RHCE: variants seen among roughly 807,000 people sequenced by gnomAD.
RHCE encodes Rh blood group CcEe antigens.
A neutral mutation model predicts 43.8 loss-of-function variants in RHCE; 22 were observed. The observed-to-expected ratio is 0.50, with a 90% CI of 0.36 to 0.72. The LOEUF is 0.72. Among genes scored for constraint, RHCE ranks in the 30% least tolerant of loss-of-function variants. The pLI, the probability that RHCE is intolerant of heterozygous loss-of-function variation, is 0.00. For missense variants in RHCE, 385 were observed against 525.4 expected, an observed-to-expected ratio of 0.73 and a Z score of 2.61; for synonymous variants, 156 against 210.7, an observed-to-expected ratio of 0.74 and a Z score of 2.25.
At chr1:25,422,323 C>T (rs1047701790), upstream of RHCE, among the ~76,000 whole-genome samples, 1 of 152,108 alleles carries the variant, frequency 6.6e-6, no homozygotes, top group Non-Finnish European at 1.5e-5. Flanking sequence ...AAAACTGACA[C>T]AGAGGATAGA....
intron 1 of RHCE, among the ~76,000 whole-genome samples, chr1:25,410,316 GGA>G (rs1647032630): frequency 1.3e-5 from 2 of 152,218 alleles, no homozygotes; most frequent in South Asian, 2.1e-4. Context: ...ATAAATGACT[GGA>G]GAGAGAGAAA....
At chr1:25,397,472 G>A (rs1646585879) in intron 3 of RHCE, among the ~76,000 whole-genome samples, 1 of 151,776 alleles carries the variant, frequency 6.6e-6, no homozygotes, top group Non-Finnish European at 1.5e-5. Context: ...CATCCAGCCT[G>A]GGTGACAACA....
chr1:25,392,215 G>A, intron 3 of RHCE, 74 bp from the exon 4 acceptor site: 1 of 1,611,704 alleles, frequency 6.2e-7, no homozygotes, highest in Non-Finnish European at 8.5e-7. Flanking sequence ...GGTCCTTGGA[G>A]AAAGTTCAGA....
intron 1 of RHCE, among the ~76,000 whole-genome samples, chr1:25,412,167 C>T (rs1402265908): frequency 1.3e-5 from 2 of 152,224 alleles, no homozygotes; most frequent in Admixed American, 6.5e-5. Flanking sequence ...GGCAGCAGAG[C>T]GCAGCTCTGA....
intron 2 of RHCE, among the ~76,000 whole-genome samples, chr1:25,405,798 G>A (rs1646899358): frequency 8.1e-6 from 1 of 123,486 alleles, no homozygotes; most frequent in African/African-American, 2.5e-5. Flanking sequence ...CTCCCCTGAA[G>A]GGACTCAAAA....
At chr1:25,397,656 T>C (rs1198191395) in intron 3 of RHCE, among the ~76,000 whole-genome samples, 43 of 152,110 alleles carry the variant, frequency 2.8e-4, no homozygotes, top group East Asian at 7.7e-4. Flanking sequence ...TGATGTCAGT[T>C]CCTGCCCTTC....
chr1:25,428,497 AG>A (rs1233957893), intron 2 of RHCE, among the ~76,000 whole-genome samples: 3 of 152,226 alleles, frequency 2.0e-5, no homozygotes, highest in Non-Finnish European at 4.4e-5. Flanking sequence ...TTGAGCTCAC[AG>A]AGTTTGTTTT....
At chr1:25,412,869 A>T (rs1042671286) in intron 1 of RHCE, among the ~76,000 whole-genome samples, 10 of 152,008 alleles carry the variant, frequency 6.6e-5, no homozygotes, top group African/African-American at 2.4e-4. Flanking sequence ...TACTAAAAAT[A>T]CAAAATTAGC....
chr1:25,406,811 G>A lies in RHCE; in HGVS notation c.335+1872C>T, dbSNP rs753813549. ...CAGCTAATTTTTTGTATGTTTAGTC[G>A]AGACAGGGTTTCTCCGAGTTAGCCA... On this transcript the variant is annotated intron_variant, in intron 2 of 9. Transcript: ENST00000294413. Among the ~76,000 whole-genome samples, 12 of 117,520 alleles carry A rather than the reference G, an allele frequency of 1.0e-4. 4 individuals carry two copies. Among genetic ancestry groups the A allele is most frequent in the Non-Finnish European group, 2.3e-4 (12 of 52,032 alleles). The allele number at this position is 117,520 out of a possible 152,430, so 77.1% of individuals were successfully genotyped here.
intron 2 of RHCE, among the ~76,000 whole-genome samples, chr1:25,407,897 G>T (rs201812726): frequency 2.4e-5 from 3 of 123,418 alleles, no homozygotes; most frequent in South Asian, 8.2e-4. Context: ...TTCACACAAA[G>T]GCATCTAAAC....
rs1375021202 is a variant in RHCE at position 25,406,012 on chromosome 1, G to C, written c.335+2671C>G. Among the ~76,000 whole-genome samples the C allele has an allele frequency of 3.2e-5, 4 of 123,212 alleles. 2 individuals carry two copies. Among genetic ancestry groups the C allele is most frequent in the Non-Finnish European group, 7.4e-5 (4 of 53,908 alleles). The allele number at this position is 123,212 out of a possible 152,430, so 80.8% of individuals were successfully genotyped here. ...GAGCAAGGGAGTTCACTCAGGCTGC[G>C]AGTGACTTCTCTCCCTTCTCATCTT... On this transcript the variant is annotated intron_variant, in intron 2 of 9. Transcript: ENST00000294413.
chr1:25,387,177 G>T (rs958940373), intron 6 of RHCE, among the ~76,000 whole-genome samples: 18 of 152,150 alleles, frequency 1.2e-4, no homozygotes, highest in Admixed American at 9.8e-4. Flanking sequence ...TCCTGGTTGG[G>T]CCACACACTC....
chr1:25,426,964 G>C (rs1295804753), intron 2 of RHCE, among the ~76,000 whole-genome samples: 2 of 152,082 alleles, frequency 1.3e-5, no homozygotes, highest in Admixed American at 6.5e-5. Flanking sequence ...GGCTGAGGCA[G>C]GAGAATCACT....
intron 3 of RHCE, among the ~76,000 whole-genome samples, chr1:25,393,841 G>C (rs957231317): frequency 6.6e-6 from 1 of 151,814 alleles, no homozygotes; most frequent in African/African-American, 2.4e-5. Context: ...TCAGCTGCCT[G>C]AAATGCTGAC....
At position 25,392,280 on chromosome 1, in the gene RHCE, C is replaced by T; in HGVS notation, c.487-139G>A. 3.6e-6 allele frequency: 5 copies of T among 1,395,552 alleles called. No homozygotes were observed. In the South Asian group the frequency reaches 5.9e-5, roughly 16 times the overall value. 86.4% of individuals were successfully genotyped at this position (1,395,552 alleles called of 1,614,324 possible). On this transcript the variant is annotated intron_variant, in intron 3 of 9. Transcript: ENST00000294413. Reference sequence around the variant, plus strand: ...ACGAGACTGGTGTTCAGAGCTTACCCAGCCCAACCCAGCAGGCTTTGCCCA... The same window carrying T: ...ACGAGACTGGTGTTCAGAGCTTACCTAGCCCAACCCAGCAGGCTTTGCCCA...
intron 1 of RHCE, among the ~76,000 whole-genome samples, chr1:25,415,756 A>C (rs547665593): frequency 1.3e-5 from 2 of 151,920 alleles, no homozygotes; most frequent in Non-Finnish European, 2.9e-5. Flanking sequence ...CTCTGACAGA[A>C]GTAGAAACAG....
At position 25,417,324 on chromosome 1, in the gene RHCE, T is replaced by C. The variant is rs549997701; in HGVS notation, c.148+3315A>G. Among the ~76,000 whole-genome samples, 15 of 152,212 alleles carry C rather than the reference T, an allele frequency of 9.9e-5. No homozygotes were observed. The South Asian group carries it at 2.9e-3, about 29-fold the overall frequency. On this transcript the variant is annotated intron_variant, in intron 1 of 9. Coordinates refer to ENST00000294413, the MANE Select transcript of RHCE (RefSeq NM_020485.8). ...CCAGGACTGAATTCAATTAAGTGGA[T>C]TGACAGATTAAGTTACCTAAGTTTA...
At chr1:25,374,030 A>G (rs1645702525) in intron 8 of RHCE, among the ~76,000 whole-genome samples, 1 of 151,170 alleles carries the variant, frequency 6.6e-6, no homozygotes, top group African/African-American at 2.5e-5. Flanking sequence ...CATGTTGGTC[A>G]GGCTGGTCTC....
chr1:25,404,201 G>A (rs748146612), intron 2 of RHCE, among the ~76,000 whole-genome samples: 1 of 145,446 alleles, frequency 6.9e-6, no homozygotes, highest in Non-Finnish European at 1.5e-5. Context: ...TTCACTCTCT[G>A]TAAAATCGTG....
Sources: allele counts gnomAD v4.1 joint callset (sites outside exome capture counted in the v4.1 genomes callset), GRCh38; gene constraint gnomAD v4.1.1; transcripts MANE v1.5; gene names NCBI Gene and HGNC (gene_info 2026-07-23, HGNC 2026-07-21).